Variants in HIBCH observed in about 807,000 individuals in gnomAD.
The protein encoded by HIBCH is 3-hydroxyisobutyryl-CoA hydrolase, mitochondrial.
In HIBCH, 50 loss-of-function variants were observed where a neutral mutation model predicts 58.2. The observed-to-expected ratio is 0.86, with a 90% confidence interval of 0.68 to 1.09. The LOEUF is 1.09. Ranked by LOEUF, HIBCH falls within the 50% of genes least tolerant of loss-of-function variation. The pLI, the probability that HIBCH is intolerant of heterozygous loss-of-function variation, is 0.00. For missense variants in HIBCH, 450 were observed against 449.7 expected (o/e 1.00, Z -0.01); for synonymous variants, 151 against 146.9 (o/e 1.03, Z -0.20).
Position 190,197,160 on chromosome 2 carries a change from G to T in HIBCH, c.*18-7163C>A, listed in dbSNP as rs1690018280. Reference sequence around the variant, plus strand: ...CAAATACCATCACGTTGGGGATTAGGTTTCAATATATGAATTTGGAGAAGC... The same window carrying T: ...CAAATACCATCACGTTGGGGATTAGTTTTCAATATATGAATTTGGAGAAGC... On this transcript the variant is annotated intron_variant, in intron 1 of 1. Coordinates refer to the HIBCH transcript ENST00000399855. The surrounding 1 kb of genome is among the most constrained non-coding windows in gnomAD (Gnocchi z 4.0). 6.6e-6 allele frequency among the ~76,000 whole-genome samples: 1 copy of T among 152,068 alleles called. No homozygotes were observed. Among genetic ancestry groups the T allele is most frequent in the Admixed American group, 6.6e-5 (1 of 15,266 alleles).
chr2:190,285,615 C>T (rs1383114233), intron 6 of HIBCH, among the ~76,000 whole-genome samples: 1 of 152,070 alleles, frequency 6.6e-6, no homozygotes, highest in Non-Finnish European at 1.5e-5. Context: ...TTCCTTAAAA[C>T]ATTGAACAGG....
Position 190,254,265 on chromosome 2 carries a change from T to C in HIBCH, c.518-1958A>G, listed in dbSNP as rs1056696904. The stretch of plus-strand genomic sequence containing the variant: ...GGGTGGGGTCCTAATCCAACAGGAC[T>C]GGTGTCCTTATAAGAGGAGGAAGAA... On this transcript the variant is annotated intron_variant, in intron 7 of 13. Transcript: ENST00000359678. This position sits in a 1 kb window ranked among gnomAD's most constrained non-coding sequence, Gnocchi z 5.0. Among the ~76,000 whole-genome samples the C allele has an allele frequency of 6.6e-6, 1 of 152,092 alleles. No homozygotes were observed.
rs768695844 is a variant in HIBCH, at chr2:190,205,139, C to T, written c.1139G>A (p.Gly380Glu). ...ACCTCAAAATTTCAAATCACTGCTT[C>T]CCAAAGACTTAAAGTGATTATTCAA... is the stretch of plus-strand genomic sequence containing the variant. ...EDLNNHFKSL[G>E]SSDLKF Residue 380 changes from glycine to glutamate, a missense_variant, in exon 14 of 14, where the codon GGA becomes GAA. Coordinates refer to ENST00000359678, the MANE Select transcript of HIBCH (RefSeq NM_014362.4). 11 of 1,604,162 alleles carry T rather than the reference C, an allele frequency of 6.9e-6. No homozygotes were observed. Among genetic ancestry groups the T allele is most frequent in the East Asian group, 4.5e-5 (2 of 44,806 alleles).
chr2:190,260,929 T>C (rs545819904), intron 7 of HIBCH, among the ~76,000 whole-genome samples: 43 of 152,210 alleles, frequency 2.8e-4, no homozygotes, highest in Non-Finnish European at 5.3e-4. Context: ...GTTTTATTTA[T>C]AGTGTGTTAA....
intron 6 of HIBCH, among the ~76,000 whole-genome samples, chr2:190,264,294 T>TA (rs1222960913): frequency 6.6e-6 from 1 of 151,458 alleles, no homozygotes; most frequent in Non-Finnish European, 1.5e-5. Flanking sequence ...TTTTTTTTTT[T>TA]AAACTCTCTT....
intron 8 of HIBCH, among the ~76,000 whole-genome samples, chr2:190,251,048 T>TA (rs1329146608): frequency 6.6e-6 from 1 of 152,144 alleles, no homozygotes; most frequent in African/African-American, 2.4e-5. Context: ...ATGTTACAGA[T>TA]ATGAGGATAA....
intron 4 of HIBCH, among the ~76,000 whole-genome samples, chr2:190,291,591 T>A (rs922409485): frequency 6.6e-6 from 1 of 152,182 alleles, no homozygotes; most frequent in Non-Finnish European, 1.5e-5. Flanking sequence ...GTAAATAATA[T>A]ACTGACATTC....
chr2:190,274,415 T>C (rs1055189119), intron 6 of HIBCH, among the ~76,000 whole-genome samples: 5 of 152,248 alleles, frequency 3.3e-5, no homozygotes, highest in African/African-American at 1.2e-4. Context: ...TCAACTTTCA[T>C]GTGGGTAGTT....
intron 11 of HIBCH, among the ~76,000 whole-genome samples, chr2:190,221,815 A>T (rs66738092): frequency 0.31 from 46,695 of 152,014 alleles, 8,189 homozygotes; most frequent in African/African-American, 0.46. Flanking sequence ...CTTGACAGCA[A>T]TGCTTTGGAG....
intron 8 of HIBCH, chr2:190,250,206 G>T: frequency 2.9e-6 from 1 of 350,472 alleles, no homozygotes; most frequent in Non-Finnish European, 5.7e-6. Context: ...TTGCCCCTGT[G>T]ATTTCATTAA....
At chr2:190,274,747 C>T (rs1687500982) in intron 6 of HIBCH, among the ~76,000 whole-genome samples, 1 of 152,156 alleles carries the variant, frequency 6.6e-6, no homozygotes, top group Non-Finnish European at 1.5e-5. Context: ...GCAACTTCAA[C>T]TCGAAAGGAT....
rs1690516510 is a variant in HIBCH, at chr2:190,211,779, C to T, written c.1011+1177G>A. Among the ~76,000 whole-genome samples, 1 of 152,132 alleles carries T rather than the reference C, an allele frequency of 6.6e-6. No homozygotes were observed. The highest frequency in any genetic ancestry group is 1.5e-5 in the Non-Finnish European group (1 of 68,026). On this transcript the variant is annotated intron_variant, in intron 12 of 13. Coordinates refer to ENST00000359678, the MANE Select transcript of HIBCH (RefSeq NM_014362.4). This position sits in a 1 kb window ranked among gnomAD's most constrained non-coding sequence, Gnocchi z 5.0. ...TTCTTTGTAGTCTCAGTAGACTAAACCCATGAAAATAAAGGACTGTGTCTT... is the reference window on the plus strand; with the variant it reads ...TTCTTTGTAGTCTCAGTAGACTAAATCCATGAAAATAAAGGACTGTGTCTT...
downstream of HIBCH, chr2:190,203,818 G>A (rs969605587): frequency 6.6e-6 from 1 of 152,108 alleles, no homozygotes. Context: ...AAGGGTGCAG[G>A]ACATGATCTT....
At chr2:190,286,732 G>A (rs764372923) in intron 6 of HIBCH, among the ~76,000 whole-genome samples, 2 of 152,118 alleles carry the variant, frequency 1.3e-5, no homozygotes, top group African/African-American at 2.4e-5. Flanking sequence ...TAATAGCACA[G>A]AGGCAGAATA....
downstream of HIBCH, among the ~76,000 whole-genome samples, chr2:190,199,196 G>A (rs773882406): frequency 3.3e-5 from 5 of 152,168 alleles, no homozygotes; most frequent in Non-Finnish European, 5.9e-5. Context: ...TGACAGTATA[G>A]ATCAGGACTC....
intron 2 of HIBCH, among the ~76,000 whole-genome samples, chr2:190,309,589 C>T (rs1246667742): frequency 6.6e-6 from 1 of 151,068 alleles, no homozygotes; most frequent in African/African-American, 2.4e-5. Flanking sequence ...CAGAGTCTCG[C>T]TCTGTCGCCC....
At position 190,249,622 on chromosome 2, in the gene HIBCH, G is replaced by C; in HGVS notation, c.750+18C>G. 7.0e-7 allele frequency: 1 copy of C among 1,425,482 alleles called. No individual in the cohort carries two copies. Among genetic ancestry groups the C allele is most frequent in the African/African-American group, 1.4e-5 (1 of 71,200 alleles). 88.3% of individuals were successfully genotyped at this position (1,425,482 alleles called of 1,614,324 possible). A position where few individuals can be genotyped will look rare whatever the true frequency, so the allele number is the denominator to read the frequency against. On this transcript the variant is annotated intron_variant, in intron 9 of 13. Transcript: ENST00000359678. Reference sequence around the variant, plus strand: ...CCCCATGAATTAAAACCTGAGGTTAGAATATTAACAAGATTACCTCTGTAT... The same window carrying C: ...CCCCATGAATTAAAACCTGAGGTTACAATATTAACAAGATTACCTCTGTAT...
chr2:190,233,579 G>A (rs1450557716), intron 11 of HIBCH, among the ~76,000 whole-genome samples: 1 of 152,102 alleles, frequency 6.6e-6, no homozygotes, highest in East Asian at 1.9e-4. Context: ...TCTTTCTTTT[G>A]TAAATTGCCT....
rs7594755 is a variant in HIBCH at position 190,249,606 on chromosome 2, T to C, written c.750+34A>G. ...TTTAATCACTTCCCCTCCCCATGAA[T>C]TAAAACCTGAGGTTAGAATATTAAC... On this transcript the variant is annotated intron_variant, in intron 9 of 13. Transcript: ENST00000359678. 3.0e-3 allele frequency: 3,888 copies of C among 1,300,862 alleles called. 107 individuals carry two copies. The African/African-American group carries it at 0.05, about 17-fold the overall frequency. 80.6% of individuals were successfully genotyped at this position (1,300,862 alleles called of 1,614,324 possible).
Sources: gnomAD v4.1 joint callset for allele counts (sites outside exome capture counted in the v4.1 genomes callset) on GRCh38, gnomAD v4.1.1 for gene constraint, Gnocchi (gnomAD v3.1) non-coding constraint, MANE v1.5 for transcripts, NCBI Gene and HGNC (gene_info 2026-07-23, HGNC 2026-07-21) for gene names.